Variants in AGAP1 observed in about 807,000 individuals in gnomAD.
AGAP1 encodes the protein ArfGAP with GTPase domain, ankyrin repeat and PH domain 1.
AGAP1 carries 29 observed loss-of-function variants against 105.3 expected under a neutral mutation model. The ratio of observed to expected loss-of-function variants is 0.28; its 90% CI spans 0.21 to 0.38. The LOEUF (loss-of-function observed/expected upper bound fraction) is 0.38, where lower values mean the gene tolerates loss of function less well. AGAP1 is among the 10% of genes least tolerant of loss of function. The pLI, the probability that AGAP1 is intolerant of heterozygous loss-of-function variation, is 1.00. For missense variants in AGAP1, 998 were observed against 1,165.1 expected (o/e 0.86, Z 2.09); for synonymous variants, 509 against 485.9 (o/e 1.05, Z -0.63).
intron 13 of AGAP1, among the ~76,000 whole-genome samples, chr2:235,978,611 G>A (rs2054957472): frequency 6.6e-6 from 1 of 152,206 alleles, no homozygotes; most frequent in African/African-American, 2.4e-5. Context: ...TGGCCTCTGG[G>A]ACTTGGAAGT....
At chr2:236,063,542 A>C (rs150669035) in intron 16 of AGAP1, among the ~76,000 whole-genome samples, 102 of 152,354 alleles carry the variant, frequency 6.7e-4, no homozygotes, top group African/African-American at 2.4e-3. Flanking sequence ...TCTTGACGAG[A>C]TTATTTTCAT....
intron 13 of AGAP1, among the ~76,000 whole-genome samples, chr2:236,018,328 A>G (rs999722968): frequency 9.8e-5 from 15 of 152,350 alleles, no homozygotes; most frequent in African/African-American, 2.6e-4. Context: ...AGACTCACCA[A>G]TGTTCAACTG....
At chr2:236,039,724 GGAAAGGGCAGGTTTCTATGCA>G (rs113482891) in intron 14 of AGAP1, among the ~76,000 whole-genome samples, 3,223 of 152,254 alleles carry the variant, frequency 0.021, 114 homozygotes, top group African/African-American at 0.073. Context: ...TCGTTAGGCT[GGAAAGGGCAGGTTTCTATGCA>G]GCAATATGTA....
chr2:235,997,052 T>G (rs1003790119), intron 13 of AGAP1, among the ~76,000 whole-genome samples: 1 of 152,072 alleles, frequency 6.6e-6, no homozygotes, highest in Admixed American at 6.5e-5. Context: ...TGTGCATGCA[T>G]AGGTACATAG....
At chr2:236,071,962 C>G (rs958447677) in intron 16 of AGAP1, among the ~76,000 whole-genome samples, 1 of 152,094 alleles carries the variant, frequency 6.6e-6, no homozygotes, top group African/African-American at 2.4e-5. Flanking sequence ...TTAAAATTGT[C>G]CAAAGACACC....
intron 1 of AGAP1, among the ~76,000 whole-genome samples, chr2:235,606,082 T>G (rs1386198285): frequency 7.2e-5 from 11 of 152,234 alleles, no homozygotes; most frequent in African/African-American, 2.7e-4. Context: ...GAAGAAGAGT[T>G]CTTGTAAACA....
chr2:235,908,303 A>C lies in AGAP1; in HGVS notation c.1156-435A>C, dbSNP rs2051405671. Among the ~76,000 whole-genome samples the C allele has an allele frequency of 6.6e-6, 1 of 152,216 alleles. No homozygotes were observed. The highest frequency in any genetic ancestry group is 6.5e-5 in the Admixed American group (1 of 15,286). The stretch of plus-strand genomic sequence containing the variant: ...ACCTGATTTTTCACCAGAGAGCTTC[A>C]GTCTTATCTAGATTTTAATGATATT... On this transcript the variant is annotated intron_variant, in intron 10 of 17. Coordinates refer to ENST00000304032, the MANE Select transcript of AGAP1 (RefSeq NM_001037131.3). This position sits in a 1 kb window ranked among gnomAD's most constrained non-coding sequence, Gnocchi z 4.4.
chr2:235,561,878 T>G (rs1290840755), intron 1 of AGAP1, among the ~76,000 whole-genome samples: 1 of 152,162 alleles, frequency 6.6e-6, no homozygotes, highest in East Asian at 1.9e-4. Flanking sequence ...CTTTATACCC[T>G]TCCCAGTTGG....
At chr2:235,818,342 A>G (rs1329729305) in intron 9 of AGAP1, among the ~76,000 whole-genome samples, 1 of 152,214 alleles carries the variant, frequency 6.6e-6, no homozygotes, top group Non-Finnish European at 1.5e-5. Context: ...AAGAGCTGGG[A>G]TTCAAATCCA....
At position 235,713,349 on chromosome 2, in the gene AGAP1, G is replaced by T. The variant is rs566787703; in HGVS notation, c.222+4112G>T. Among the ~76,000 whole-genome samples, 226 of 152,318 alleles carry T rather than the reference G, an allele frequency of 1.5e-3. 1 individual carries two copies. The highest frequency in any genetic ancestry group is 4.8e-3 in the African/African-American group (199 of 41,574). ...AAAAAGATGTACGTCGGATTAGGAG[G>T]GGAAACAGCTTTATTTAGAATCTGT... is the stretch of plus-strand genomic sequence containing the variant. On this transcript the variant is annotated intron_variant, in intron 2 of 17. Transcript: ENST00000304032.
chr2:235,934,416 T>C lies in AGAP1; in HGVS notation c.1483+3493T>C, dbSNP rs546478719. ...CTGCGCCGAGGGTACCATCCCGGCGTCCCTCTGGTTCGCGTCATTCCCCCC... is the reference window on the plus strand; with the variant it reads ...CTGCGCCGAGGGTACCATCCCGGCGCCCCTCTGGTTCGCGTCATTCCCCCC... On this transcript the variant is annotated intron_variant, in intron 12 of 17. Coordinates refer to ENST00000304032, the MANE Select transcript of AGAP1 (RefSeq NM_001037131.3). This position sits in a 1 kb window ranked among gnomAD's most constrained non-coding sequence, Gnocchi z 4.9. Among the ~76,000 whole-genome samples the C allele has an allele frequency of 2.7e-4, 41 of 152,268 alleles. No individual in the cohort carries two copies. Among genetic ancestry groups the C allele is most frequent in the African/African-American group, 9.9e-4 (41 of 41,542 alleles).
chr2:235,916,175 AAAG>A (rs1199701732), intron 11 of AGAP1, among the ~76,000 whole-genome samples: 1 of 152,218 alleles, frequency 6.6e-6, no homozygotes, highest in African/African-American at 2.4e-5. Flanking sequence ...CCAGAAAAAA[AAAG>A]AAGAATCCAA....
At chr2:236,037,238 A>T (rs2057409851) in intron 14 of AGAP1, 1 of 152,664 alleles carries the variant, frequency 6.6e-6, no homozygotes, top group African/African-American at 2.4e-5. Context: ...TGTTTTATTC[A>T]ATAATTAGAG....
intron 1 of AGAP1, among the ~76,000 whole-genome samples, chr2:235,697,625 C>T (rs1950058350): frequency 6.6e-6 from 1 of 152,226 alleles, no homozygotes. Context: ...GGCGAAAATT[C>T]AGCAACAGTA....
At position 235,977,910 on chromosome 2, in the gene AGAP1, A is replaced by G. The variant is rs990702147; in HGVS notation, c.1645+9287A>G. On this transcript the variant is annotated intron_variant, in intron 13 of 17. Transcript: ENST00000304032. The surrounding 1 kb of genome is among the most constrained non-coding windows in gnomAD (Gnocchi z 5.2). ...CTTAACCAGCAGAAACTCATTTATC[A>G]TGGTTCTGAAGGCTGCAAAGTCCAA... Among the ~76,000 whole-genome samples, 13 of 152,162 alleles carry G rather than the reference A, an allele frequency of 8.5e-5. No individual in the cohort carries two copies. Among genetic ancestry groups the G allele is most frequent in the African/African-American group, 2.9e-4 (12 of 41,440 alleles).
chr2:236,103,709 A>G (rs546739115), intron 16 of AGAP1, among the ~76,000 whole-genome samples: 25 of 152,132 alleles, frequency 1.6e-4, no homozygotes, highest in African/African-American at 6.0e-4. Flanking sequence ...AGCTGGGATT[A>G]TAGGCACCCA....
At chr2:235,933,435 A>C (rs750444691) in intron 12 of AGAP1, among the ~76,000 whole-genome samples, 18 of 152,108 alleles carry the variant, frequency 1.2e-4, no homozygotes, top group Non-Finnish European at 2.4e-4. Context: ...GGGAGCTGAC[A>C]TTTTACAGAG....
In AGAP1 at chr2:236,026,457, G is replaced by A. The variant is rs150601869; in HGVS notation, c.1646-10104G>A. ...GAAAGAAGTATGACACGCCGGGCAC[G>A]GTTGCTCATGCCTGTAATCCCCGCA... On this transcript the variant is annotated intron_variant, in intron 13 of 17. Transcript: ENST00000304032. Among the ~76,000 whole-genome samples, 885 of 152,288 alleles carry A rather than the reference G, an allele frequency of 5.8e-3. 5 individuals carry two copies. The highest frequency in any genetic ancestry group is 0.02 in the African/African-American group (835 of 41,566).
chr2:235,853,377 A>G (rs1463545446), intron 9 of AGAP1, among the ~76,000 whole-genome samples: 1 of 152,186 alleles, frequency 6.6e-6, no homozygotes, highest in Non-Finnish European at 1.5e-5. Flanking sequence ...AATAATGTCA[A>G]CTTCCTTGTG....
Sources: allele counts gnomAD v4.1 joint callset (sites outside exome capture counted in the v4.1 genomes callset), GRCh38; gene constraint gnomAD v4.1.1; non-coding constraint Gnocchi (gnomAD v3.1); transcripts MANE v1.5; gene names NCBI Gene and HGNC (gene_info 2026-07-23, HGNC 2026-07-21).